NRXN1: variants seen among roughly 807,000 people sequenced by gnomAD.
NRXN1 encodes neurexin 1.
In NRXN1, 39 loss-of-function variants were observed where a neutral mutation model predicts 150.9. That is an observed-to-expected ratio of 0.26 (90% confidence interval 0.20 to 0.34). The LOEUF (loss-of-function observed/expected upper bound fraction) is 0.34. Ranked by LOEUF, NRXN1 falls within the 10% of genes least tolerant of loss-of-function variation. The probability of loss-of-function intolerance (pLI) is 1.00; values close to 1 mark genes in which losing one functional copy is unlikely to be tolerated. For synonymous variants in NRXN1, 924 were observed against 757.0 expected (o/e 1.22, Z -3.62); for missense variants, 1,815 against 1,949.9 (o/e 0.93, Z 1.30).
At chr2:50,506,789 G>C in intron 12 of NRXN1, 172 bp from the exon 13 acceptor site, 1 of 651,030 alleles carries the variant, frequency 1.5e-6, no homozygotes, top group Non-Finnish European at 2.5e-6. Context: ...GAAGAGGCGG[G>C]CTGGACCAAT....
intron 17 of NRXN1, among the ~76,000 whole-genome samples, chr2:50,270,384 T>C (rs570208161): frequency 7.2e-4 from 110 of 152,268 alleles, no homozygotes; most frequent in African/African-American, 2.5e-3. Context: ...TTCTAGAAAA[T>C]ATTGAGCGTT....
At chr2:50,736,019 T>C (rs1698693658) in intron 5 of NRXN1, among the ~76,000 whole-genome samples, 1 of 152,158 alleles carries the variant, frequency 6.6e-6, no homozygotes, top group Admixed American at 6.6e-5. Flanking sequence ...ACAGTTTCCC[T>C]TTGCAATTTT....
intron 5 of NRXN1, among the ~76,000 whole-genome samples, chr2:50,782,052 T>C (rs556635634): frequency 2.3e-4 from 35 of 152,274 alleles, no homozygotes; most frequent in Admixed American, 1.3e-3. Context: ...TCCTCTATGT[T>C]TACAATTAAC....
At chr2:50,863,609 T>C (rs1676456171) in intron 5 of NRXN1, among the ~76,000 whole-genome samples, 1 of 152,038 alleles carries the variant, frequency 6.6e-6, no homozygotes, top group South Asian at 2.1e-4. Context: ...GAGACTTTAA[T>C]AAAAAAGCTT....
intron 5 of NRXN1, among the ~76,000 whole-genome samples, chr2:50,896,310 C>A (rs1681946854): frequency 6.6e-6 from 1 of 152,092 alleles, no homozygotes; most frequent in Non-Finnish European, 1.5e-5. Context: ...TTATTGGGAA[C>A]CTACTATGTG....
intron 5 of NRXN1, among the ~76,000 whole-genome samples, chr2:50,651,522 A>AACATGACATG (rs1455683294): frequency 7.0e-6 from 1 of 141,982 alleles, no homozygotes. Context: ...AACATGACAT[A>AACATGACATG]ACATAACATA....
chr2:50,477,857 A>G (rs2090115501), intron 15 of NRXN1, among the ~76,000 whole-genome samples: 1 of 152,176 alleles, frequency 6.6e-6, no homozygotes, highest in Non-Finnish European at 1.5e-5. Flanking sequence ...GCAATTCTAG[A>G]CACTTCATTT....
At chr2:50,058,829 C>T (rs2152638603) in intron 19 of NRXN1, among the ~76,000 whole-genome samples, 1 of 152,146 alleles carries the variant, frequency 6.6e-6, no homozygotes, top group East Asian at 1.9e-4. Flanking sequence ...TTGCCTGTCA[C>T]CAAGTAAGAC....
At chr2:50,479,585 G>C (rs2090277072) in intron 15 of NRXN1, among the ~76,000 whole-genome samples, 1 of 150,908 alleles carries the variant, frequency 6.6e-6, no homozygotes. Context: ...ATAATTAGTT[G>C]TTGACTCACT....
chr2:50,774,003 C>A (rs959940420), intron 5 of NRXN1, among the ~76,000 whole-genome samples: 2 of 152,092 alleles, frequency 1.3e-5, no homozygotes, highest in African/African-American at 4.8e-5. Flanking sequence ...GACCCGGATG[C>A]TAAATAAACG....
intron 5 of NRXN1, among the ~76,000 whole-genome samples, chr2:50,821,841 C>G (rs1046102746): frequency 8.5e-5 from 13 of 152,074 alleles, no homozygotes; most frequent in African/African-American, 3.1e-4. Flanking sequence ...AATAAGTAGG[C>G]TCTCATAAGC....
At chr2:50,312,666 G>A in intron 17 of NRXN1, 1 of 488,300 alleles carries the variant, frequency 2.0e-6, no homozygotes, top group East Asian at 5.7e-5. Context: ...ATCTCAGACA[G>A]TCCATCTGAT....
At chr2:50,830,083 T>TTATA (rs1239846746) in intron 5 of NRXN1, among the ~76,000 whole-genome samples, 1 of 147,128 alleles carries the variant, frequency 6.8e-6, no homozygotes, top group Non-Finnish European at 1.5e-5. Context: ...CACCATCCGT[T>TTATA]TATAGAGTCT....
At chr2:50,057,103 T>C (rs551932108) in intron 19 of NRXN1, among the ~76,000 whole-genome samples, 1 of 152,286 alleles carries the variant, frequency 6.6e-6, no homozygotes, top group African/African-American at 2.4e-5. Flanking sequence ...TCTAATCATG[T>C]CACTTGTCTA....
intron 7 of NRXN1, 117 bp from the exon 8 acceptor site, chr2:50,620,300 TTTC>T: frequency 8.6e-7 from 1 of 1,167,012 alleles, no homozygotes; most frequent in Non-Finnish European, 1.2e-6. Flanking sequence ...GTTTTGCTTT[TTTC>T]TTTTTTTCTG....
At chr2:51,006,980 T>A (rs754349475) in intron 2 of NRXN1, among the ~76,000 whole-genome samples, 1 of 149,324 alleles carries the variant, frequency 6.7e-6, no homozygotes, top group East Asian at 1.9e-4. Context: ...CTATAATCTA[T>A]GAACACCAAT....
intron 17 of NRXN1, among the ~76,000 whole-genome samples, chr2:50,237,645 G>T (rs562225749): frequency 1.3e-5 from 2 of 151,830 alleles, no homozygotes; most frequent in African/African-American, 4.8e-5. Flanking sequence ...GTGAATACAA[G>T]CCTTATAGCA....
intron 5 of NRXN1, among the ~76,000 whole-genome samples, chr2:50,764,908 T>C (rs932374640): frequency 1.3e-5 from 2 of 152,168 alleles, no homozygotes; most frequent in South Asian, 2.1e-4. Flanking sequence ...TCTGTAATAG[T>C]TCCTGCTGAA....
At chr2:50,120,133 A>G (rs920585343) in intron 18 of NRXN1, among the ~76,000 whole-genome samples, 1 of 149,800 alleles carries the variant, frequency 6.7e-6, no homozygotes, top group Non-Finnish European at 1.5e-5. Flanking sequence ...ACTTGTAATT[A>G]TTCACTTTGT....
Sources: allele counts gnomAD v4.1 joint callset (sites outside exome capture counted in the v4.1 genomes callset), GRCh38; gene constraint gnomAD v4.1.1; transcripts MANE v1.5; gene names NCBI Gene and HGNC (gene_info 2026-07-23, HGNC 2026-07-21).